DACT1: variants seen among roughly 807,000 people sequenced by gnomAD.
The protein encoded by DACT1 is dishevelled binding antagonist of beta catenin 1.
In DACT1, 19 loss-of-function variants were observed where a neutral mutation model predicts 35.3. The observed-to-expected ratio is 0.54, with a 90% CI of 0.38 to 0.79. The LOEUF is 0.79. Among genes scored for constraint, DACT1 ranks in the 30% least tolerant of loss-of-function variants. DACT1 has a pLI of 0.00. For synonymous variants in DACT1, 545 were observed against 466.7 expected, an observed-to-expected ratio of 1.17 and a Z score of -2.16; for missense variants, 1,143 against 1,057.5, an observed-to-expected ratio of 1.08 and a Z score of -1.12.
At chr14:58,641,089 A>C (rs2140213901) in intron 2 of DACT1, among the ~76,000 whole-genome samples, 1 of 152,346 alleles carries the variant, frequency 6.6e-6, no homozygotes, top group African/African-American at 2.4e-5. Flanking sequence ...GGAGTCCCCC[A>C]AGTTTAAAAA....
upstream of DACT1, among the ~76,000 whole-genome samples, chr14:58,635,748 T>C (rs374233469): frequency 6.6e-6 from 1 of 152,114 alleles, no homozygotes; most frequent in African/African-American, 2.4e-5. Flanking sequence ...TGACTTAAGA[T>C]TTATTAGTAG....
intron 3 of DACT1, among the ~76,000 whole-genome samples, chr14:58,644,900 C>T (rs2047658434): frequency 6.6e-6 from 1 of 152,186 alleles, no homozygotes; most frequent in African/African-American, 2.4e-5. Flanking sequence ...TGTGCTTCAT[C>T]TCAGATGTTT....
At chr14:58,639,133 T>G (rs1595595752) in intron 1 of DACT1, 1 of 985,430 alleles carries the variant, frequency 1.0e-6, no homozygotes. Context: ...AAGCCCTTTG[T>G]ATAAGGCAGC....
In DACT1 at chr14:58,646,515, G is replaced by A; in HGVS notation, c.1781G>A (p.Gly594Glu). 3 of 1,559,982 alleles carry A rather than the reference G, an allele frequency of 1.9e-6. No individual in the cohort carries two copies. The highest frequency in any genetic ancestry group is 2.6e-6 in the Non-Finnish European group (3 of 1,156,756). ...AAACTCAAGAAAGCCTCCTCCAAGG[G>A]GAGGAAGAGTGGGGGCGGGCCCGAG... ...NKKLKKASSKGRKSGGGPEAG... is the reference protein window; with the variant it reads ...NKKLKKASSKERKSGGGPEAG... Residue 594 changes from glycine to glutamate, a missense_variant, in exon 4 of 4, where the codon GGG becomes GAG. Around this residue, in one of 3 missense-constraint regions of DACT1, gnomAD observed 1,054 missense variants for 958.8 expected, o/e 1.10. Transcript: ENST00000395153.
rs863091 is a variant in DACT1 at position 58,645,757 on chromosome 14, C to T, written c.1023C>T (p.Val341=). 0.2 allele frequency: 325,581 copies of T among 1,614,080 alleles called. 35,588 individuals are homozygous for T. The highest frequency in any genetic ancestry group is 0.39 in the African/African-American group (28,890 of 75,002). ...KGLLRNGSVC[V]RAPGGVSQGN... ...TTCTGAGGAACGGGAGCGTTTGTGT[C>T]AGAGCCCCGGGCGGTGTCTCACAGG... Residue 341 remains valine (V), a synonymous_variant, in exon 4 of 4, where the codon GTC becomes GTT. Transcript: ENST00000395153.
intron 2 of DACT1, 129 bp from the exon 3 acceptor site, chr14:58,641,463 T>A: frequency 9.9e-7 from 1 of 1,008,232 alleles, no homozygotes. Context: ...CAAAGTCCAA[T>A]GAATCAAAAT....
At position 58,645,771 on chromosome 14, in the gene DACT1, G is replaced by C; in HGVS notation, c.1037G>C (p.Gly346Ala). ...AGCGTTTGTGTCAGAGCCCCGGGCG[G>C]TGTCTCACAGGGCAACAGTGTGAAC... The part of the protein sequence containing the change: ...NGSVCVRAPG[G>A]VSQGNSVNLK... The change falls in exon 4 of 4, where the codon GGT becomes GCT. Residue 346 changes from glycine to alanine, a missense_variant. Physicochemically the swap from Gly to Ala is moderately conservative, Grantham distance 60. Around this residue, in one of 3 missense-constraint regions of DACT1, gnomAD observed 1,054 missense variants for 958.8 expected, o/e 1.10. Coordinates refer to ENST00000395153, the MANE Select transcript of DACT1 (RefSeq NM_001079520.2). 3.7e-6 allele frequency: 6 copies of C among 1,614,268 alleles called. No individual in the cohort carries two copies. Among genetic ancestry groups the C allele is most frequent in the Non-Finnish European group, 5.1e-6 (6 of 1,180,046 alleles).
At chr14:58,641,896 G>C (rs1468419833) in intron 3 of DACT1, 149 bp downstream of exon 3, 2 of 727,250 alleles carry the variant, frequency 2.8e-6, no homozygotes, top group African/African-American at 1.8e-5. Context: ...CTAGAACTCA[G>C]TTTCATCTAG....
intron 1 of DACT1, among the ~76,000 whole-genome samples, chr14:58,640,177 G>T (rs1258522676): frequency 6.6e-6 from 1 of 152,192 alleles, no homozygotes; most frequent in East Asian, 1.9e-4. Flanking sequence ...TGAGGGTTTT[G>T]GATTCTGCCA....
intron 2 of DACT1, among the ~76,000 whole-genome samples, chr14:58,641,294 C>T (rs1195289386): frequency 6.6e-6 from 1 of 151,294 alleles, no homozygotes; most frequent in Admixed American, 6.6e-5. Flanking sequence ...AAAGATGAGG[C>T]TTGACAGATC....
upstream of DACT1, among the ~76,000 whole-genome samples, chr14:58,634,913 C>T (rs1566986594): frequency 6.6e-6 from 1 of 152,198 alleles, no homozygotes; most frequent in Admixed American, 6.5e-5. Flanking sequence ...TAAGTTAACA[C>T]CACTGTAATA....
upstream of DACT1, among the ~76,000 whole-genome samples, chr14:58,636,680 T>C (rs1464376248): frequency 1.3e-5 from 2 of 152,044 alleles, no homozygotes; most frequent in Non-Finnish European, 2.9e-5. Flanking sequence ...AATAATGATA[T>C]AGGATGCACT....
chr14:58,634,928 C>T (rs2047564353), upstream of DACT1, among the ~76,000 whole-genome samples: 1 of 152,220 alleles, frequency 6.6e-6, no homozygotes, highest in African/African-American at 2.4e-5. Context: ...GTAATATATT[C>T]AGCCAAGACT....
Position 58,646,545 on chromosome 14 carries a change from G to C in DACT1, c.1811G>C (p.Gly604Ala), listed in dbSNP as rs377740476. Reference protein sequence around the residue: ...GRKSGGGPEAGVPGRPAGGGH... With the variant: ...GRKSGGGPEAAVPGRPAGGGH... ...AAGAGTGGGGGCGGGCCCGAGGCTG[G>C]TGTTCCCGGCAGGCCCGCGGGCGGG... is the stretch of plus-strand genomic sequence containing the variant. Residue 604 changes from glycine to alanine, a missense_variant, in exon 4 of 4, where the codon GGT becomes GCT. Physicochemically the swap from Gly to Ala is moderately conservative, Grantham distance 60. This residue lies in a region of DACT1 where 1,054 missense variants were observed against 958.8 expected (regional missense o/e 1.10). Transcript: ENST00000395153. The C allele has an allele frequency of 6.4e-5, 100 of 1,556,742 alleles. No individual in the cohort carries two copies. Among genetic ancestry groups the C allele is most frequent in the Non-Finnish European group, 7.9e-5 (91 of 1,153,860 alleles).
upstream of DACT1, among the ~76,000 whole-genome samples, chr14:58,635,863 G>A (rs1293850629): frequency 6.6e-6 from 1 of 152,152 alleles, no homozygotes; most frequent in Admixed American, 6.5e-5. Flanking sequence ...CCCAGTCAGA[G>A]GAATCTAATT....
chr14:58,645,263 A>G lies in DACT1; in HGVS notation c.635-106A>G, dbSNP rs367653092. The G allele has an allele frequency of 3.1e-6, 5 of 1,613,096 alleles. No homozygotes were observed. The highest frequency in any genetic ancestry group is 3.4e-6 in the Non-Finnish European group (4 of 1,179,282). On this transcript the variant is annotated intron_variant, in intron 3 of 3. Coordinates refer to ENST00000395153, the MANE Select transcript of DACT1 (RefSeq NM_001079520.2). ...TACCTTTAACTGTTTTTCAGATCTC[A>G]TAGGATTGTTGGAATATAAAGAAGG...
upstream of DACT1, among the ~76,000 whole-genome samples, chr14:58,635,062 G>T (rs976955196): frequency 6.6e-6 from 1 of 152,132 alleles, no homozygotes. Flanking sequence ...GGCGTGTCCA[G>T]GGAAAGCAAA....
Position 58,640,718 on chromosome 14 carries a change from T to C in DACT1, c.346-18T>C. The stretch of plus-strand genomic sequence containing the variant: ...TCACCCCTGTATGTTCATGTTTCCT[T>C]TGTTTCTTCCTAATCAGAACTGTTT... On this transcript the variant is annotated intron_variant, in intron 1 of 3. Transcript: ENST00000395153. 1 of 1,613,898 alleles carries C rather than the reference T, an allele frequency of 6.2e-7. No individual in the cohort carries two copies. The highest frequency in any genetic ancestry group is 1.3e-5 in the African/African-American group (1 of 75,038).
chr14:58,636,958 C>T (rs1212067413), upstream of DACT1, among the ~76,000 whole-genome samples: 1 of 152,172 alleles, frequency 6.6e-6, no homozygotes, highest in Non-Finnish European at 1.5e-5. Context: ...ACTCATATCA[C>T]CTTTACTATC....
Sources: gnomAD v4.1 joint callset for allele counts (sites outside exome capture counted in the v4.1 genomes callset) on GRCh38, gnomAD v4.1.1 for gene constraint, gnomAD v4.1.1 regional missense constraint, MANE v1.5 for transcripts, NCBI Gene and HGNC (gene_info 2026-07-23, HGNC 2026-07-21) for gene names.